The following PCM1 variants were observed in gnomAD, a reference collection of about 807,000 sequenced individuals.
PCM1 encodes pericentriolar material 1 protein.
PCM1 carries 157 observed loss-of-function variants against 241.9 expected under a neutral mutation model. The observed-to-expected ratio is 0.65, with a 90% CI of 0.57 to 0.74. The LOEUF (loss-of-function observed/expected upper bound fraction) is 0.74, where lower values mean the gene tolerates loss of function less well. PCM1 is among the 30% of genes least tolerant of loss of function. The probability of loss-of-function intolerance (pLI) is 0.00; values close to 1 mark genes in which losing one functional copy is unlikely to be tolerated. For synonymous variants in PCM1, 1,085 were observed against 784.9 expected (o/e 1.38, Z -6.39); for missense variants, 3,478 against 2,360.1 (o/e 1.47, Z -9.81).
chr8:17,962,965 A>G (rs1241979819), intron 16 of PCM1, 136 bp from the exon 17 acceptor site: 8 of 624,626 alleles, frequency 1.3e-5, no homozygotes, highest in South Asian at 2.2e-5. Context: ...TTTAACCTTC[A>G]TGGACATGTT....
At chr8:17,951,942 G>C (rs1461004701) in intron 8 of PCM1, among the ~76,000 whole-genome samples, 1 of 152,042 alleles carries the variant, frequency 6.6e-6, no homozygotes, top group Non-Finnish European at 1.5e-5. Context: ...TTAAAAAAAG[G>C]CCAGGTGCGG....
chr8:17,955,645 A>G lies in PCM1; in HGVS notation c.1464A>G (p.Glu488=). 2 of 1,609,810 alleles carry G rather than the reference A, an allele frequency of 1.2e-6. No individual in the cohort carries two copies. The highest frequency in any genetic ancestry group is 4.5e-5 in the East Asian group (2 of 44,868). ...ACGAAGGCCACCTCAATCCATCTGA[A>G]AAACTCCAGTAAAACATTTATAATC... is the stretch of plus-strand genomic sequence containing the variant. ...SENEGHLNPS[E]KLQKLNEVRK... is the part of the protein sequence containing the mutation. Residue 488 remains glutamate (E), a synonymous_variant, in exon 10 of 39, where the codon GAA becomes GAG. Transcript: ENST00000325083.
chr8:17,954,147 G>C (rs2067123442), intron 9 of PCM1, among the ~76,000 whole-genome samples: 1 of 152,172 alleles, frequency 6.6e-6, no homozygotes, highest in Non-Finnish European at 1.5e-5. Context: ...AAGATGTGTG[G>C]CTGGGTGTGG....
Position 17,989,934 on chromosome 8 carries a change from C to T in PCM1, c.4486C>T (p.Leu1496=). ...EQNDADNASV[L]SVSSNFEPFA... is the part of the protein sequence containing the mutation. ...AAATGATGCTGATAATGCTAGTGTC[C>T]TGTCTGTATCATCAAATTTTGAGCC... is the stretch of plus-strand genomic sequence containing the variant. Residue 1496 remains leucine, a synonymous_variant, in exon 27 of 39, where the codon CTG becomes TTG. Coordinates refer to ENST00000325083, the MANE Select transcript of PCM1 (RefSeq NM_006197.4). 1 of 1,540,988 alleles carries T rather than the reference C, an allele frequency of 6.5e-7. No homozygotes were observed. The highest frequency in any genetic ancestry group is 8.8e-7 in the Non-Finnish European group (1 of 1,141,218).
chr8:17,980,848 C>A (rs73571801), intron 24 of PCM1, 93 bp downstream of exon 24: 22,962 of 879,156 alleles, frequency 0.026, 485 homozygotes, highest in African/African-American at 0.073. Flanking sequence ...TGGTGTTTCA[C>A]ACGTATCTAT....
intron 2 of PCM1, chr8:17,925,012 G>A (rs891535129): frequency 6.6e-6 from 1 of 152,144 alleles, no homozygotes; most frequent in East Asian, 1.9e-4. Context: ...TACTAGAATG[G>A]TTTATGCAGT....
Position 17,995,381 on chromosome 8 carries a change from G to C in PCM1, c.4827+1762G>C, listed in dbSNP as rs148764578. Among the ~76,000 whole-genome samples, 583 of 151,096 alleles carry C rather than the reference G, an allele frequency of 3.9e-3. 30 individuals carry two copies. Among genetic ancestry groups the C allele is most frequent in the African/African-American group, 0.014 (564 of 40,650 alleles). ...TCTGGGTTCTCTGTTCTGTTCTATC[G>C]GTCTGTGTTTCTGGGTTCTCTGTTC... On this transcript the variant is annotated intron_variant, in intron 29 of 38. Transcript: ENST00000325083.
At position 17,946,261 on chromosome 8, in the gene PCM1, G is replaced by A. The variant is rs116867637; in HGVS notation, c.784-925G>A. On this transcript the variant is annotated intron_variant, in intron 6 of 38. Transcript: ENST00000325083. Reference sequence around the variant, plus strand: ...CTTCCATTTTATGTCATCAGACTCAGATGAATGAGCATAATTTAAGAGGAA... The same window carrying A: ...CTTCCATTTTATGTCATCAGACTCAAATGAATGAGCATAATTTAAGAGGAA... Among the ~76,000 whole-genome samples, 26 of 152,232 alleles carry A rather than the reference G, an allele frequency of 1.7e-4. No individual in the cohort carries two copies. In the East Asian group the frequency reaches 4.4e-3, roughly 26 times the overall value.
chr8:18,011,451 A>G, intron 33 of PCM1, 85 bp downstream of exon 33: 1 of 1,259,406 alleles, frequency 7.9e-7, no homozygotes, highest in Non-Finnish European at 1.1e-6. Context: ...TGTAACAAGT[A>G]TAAAATTAAG....
At chr8:18,011,109 CTA>C in intron 32 of PCM1, 126 bp from the exon 33 acceptor site, 10 of 564,950 alleles carry the variant, frequency 1.8e-5, no homozygotes, top group East Asian at 1.7e-4. Context: ...AAAAATAAAA[CTA>C]GACTATCAAA....
chr8:17,975,877 T>G (rs1207457216), intron 23 of PCM1, among the ~76,000 whole-genome samples: 1 of 152,198 alleles, frequency 6.6e-6, no homozygotes, highest in Non-Finnish European at 1.5e-5. Context: ...AAACTTGAGT[T>G]CAGACTTAGA....
At chr8:17,958,764 C>G (rs904315559) in intron 13 of PCM1, among the ~76,000 whole-genome samples, 1 of 152,178 alleles carries the variant, frequency 6.6e-6, no homozygotes, top group South Asian at 2.1e-4. Flanking sequence ...CTCTGTCACC[C>G]AGGTTGGAGT....
At chr8:17,980,997 T>C (rs2080554378) in intron 24 of PCM1, among the ~76,000 whole-genome samples, 1 of 152,226 alleles carries the variant, frequency 6.6e-6, no homozygotes, top group Non-Finnish European at 1.5e-5. Flanking sequence ...ATAGTTACAA[T>C]TGTGGAACTC....
At chr8:17,985,759 AT>A (rs2082369202) in intron 25 of PCM1, 140 bp downstream of exon 25, 1 of 806,148 alleles carries the variant, frequency 1.2e-6, no homozygotes, top group African/African-American at 1.8e-5. Context: ...TTTATTTAAA[AT>A]TTTTGTATAG....
At chr8:17,945,790 T>C (rs796916166) in intron 6 of PCM1, among the ~76,000 whole-genome samples, 9 of 146,936 alleles carry the variant, frequency 6.1e-5, no homozygotes, top group African/African-American at 2.3e-4. Flanking sequence ...GATCAGTGCA[T>C]TTTTACTTTC....
At position 18,014,095 on chromosome 8, in the gene PCM1, T is replaced by TAAA. The variant is rs71545505; in HGVS notation, c.5584+73_5584+75dup. On this transcript the variant is annotated intron_variant, in intron 35 of 38. Transcript: ENST00000325083. ...TAATTTCCTTTATTTGCTTTAAAGCTAAAAAAAAAAAAAAAACACACACAG... is the reference window on the plus strand; with the variant it reads ...TAATTTCCTTTATTTGCTTTAAAGCTAAAAAAAAAAAAAAAAAAACACACACAG... 3,138 of 615,200 alleles carry TAAA rather than the reference T, an allele frequency of 5.1e-3. 82 individuals are homozygous for TAAA. The African/African-American group carries it at 0.06, about 12-fold the overall frequency. 38.1% of individuals were successfully genotyped at this position (615,200 alleles called of 1,614,324 possible). A position where few individuals can be genotyped will look rare whatever the true frequency, so the allele number is the denominator to read the frequency against.
In PCM1 at chr8:17,964,703, C is replaced by G; in HGVS notation, c.2790C>G (p.Asn930Lys). ...AGCAAGATGCCAGTTCCAATGATAA[C>G]TTTTCTGTGTGTCCTTCTAACAGTG... ...EEEQDASSND[N>K]FSVCPSNSVN... Residue 930 changes from asparagine (N) to lysine (K), a missense_variant, in exon 18 of 39, where the codon AAC becomes AAG. Coordinates refer to ENST00000325083, the MANE Select transcript of PCM1 (RefSeq NM_006197.4). 1 of 1,613,902 alleles carries G rather than the reference C, an allele frequency of 6.2e-7. No individual in the cohort carries two copies. Among genetic ancestry groups the G allele is most frequent in the Non-Finnish European group, 8.5e-7 (1 of 1,179,792 alleles).
intron 2 of PCM1, among the ~76,000 whole-genome samples, chr8:17,928,576 T>C (rs2057891475): frequency 2.0e-5 from 3 of 151,602 alleles, no homozygotes; most frequent in Non-Finnish European, 4.4e-5. Context: ...ACATGCTAGT[T>C]GCTTATCTCC....
chr8:17,926,449 A>G (rs2056991063), intron 2 of PCM1: 1 of 152,236 alleles, frequency 6.6e-6, no homozygotes, highest in Non-Finnish European at 1.5e-5. Context: ...ACAGTGTGCA[A>G]AACAGACAGG....
Sources: gnomAD v4.1 joint callset for allele counts (sites outside exome capture counted in the v4.1 genomes callset) on GRCh38, gnomAD v4.1.1 for gene constraint, MANE v1.5 for transcripts, NCBI Gene and HGNC (gene_info 2026-07-23, HGNC 2026-07-21) for gene names.